Variants in MAP3K20 observed in about 807,000 individuals in gnomAD.
MAP3K20 encodes mitogen-activated protein kinase kinase kinase 20.
MAP3K20 carries 40 observed loss-of-function variants against 85.7 expected under a neutral mutation model. That is an observed-to-expected ratio of 0.47 (90% CI 0.36 to 0.61). The LOEUF (loss-of-function observed/expected upper bound fraction) is 0.61, where lower values mean the gene tolerates loss of function less well. Ranked by LOEUF, MAP3K20 falls within the 20% of genes least tolerant of loss-of-function variation. The probability of loss-of-function intolerance (pLI) is 0.00; values close to 1 mark genes in which losing one functional copy is unlikely to be tolerated. For synonymous variants in MAP3K20, 325 were observed against 327.7 expected, an observed-to-expected ratio of 0.99 and a Z score of 0.09; for missense variants, 817 against 961.7, an observed-to-expected ratio of 0.85 and a Z score of 1.99.
intron 2 of MAP3K20, among the ~76,000 whole-genome samples, chr2:173,149,131 G>A (rs552745170): frequency 4.3e-4 from 65 of 152,382 alleles, no homozygotes; most frequent in Admixed American, 1.2e-3. Flanking sequence ...AGCTTAATAT[G>A]TGACAGGCAG....
At chr2:173,194,686 T>C (rs1264581581) in intron 7 of MAP3K20, among the ~76,000 whole-genome samples, 1 of 152,086 alleles carries the variant, frequency 6.6e-6, no homozygotes, top group South Asian at 2.1e-4. Flanking sequence ...CCATTGTTCA[T>C]TGGGAGTCTG....
intron 11 of MAP3K20, chr2:173,221,902 A>C: frequency 2.0e-6 from 2 of 992,156 alleles, no homozygotes; most frequent in Non-Finnish European, 2.4e-6. Context: ...AAAAACTTAC[A>C]TTTTGAACAA....
At chr2:173,159,148 T>C (rs1018904275) in intron 2 of MAP3K20, among the ~76,000 whole-genome samples, 1 of 152,206 alleles carries the variant, frequency 6.6e-6, no homozygotes, top group Non-Finnish European at 1.5e-5. Context: ...TTTGATTAAG[T>C]TATATTGCTA....
intron 2 of MAP3K20, among the ~76,000 whole-genome samples, chr2:173,167,991 C>A (rs1251052408): frequency 6.6e-6 from 1 of 152,150 alleles, no homozygotes; most frequent in Non-Finnish European, 1.5e-5. Flanking sequence ...TATTCACAAA[C>A]AGTTGGTCCT....
intron 2 of MAP3K20, chr2:173,166,566 C>T (rs574191045): frequency 6.6e-6 from 1 of 152,158 alleles, no homozygotes; most frequent in South Asian, 2.1e-4. Flanking sequence ...CCTTATAACT[C>T]TCATATACAG....
chr2:173,208,100 TGATTA>T (rs1039338637), intron 9 of MAP3K20, among the ~76,000 whole-genome samples: 2 of 152,150 alleles, frequency 1.3e-5, no homozygotes, highest in African/African-American at 4.8e-5. Context: ...CTTATGCAAA[TGATTA>T]AAACATTTTT....
At chr2:173,088,569 G>A (rs925834101) in intron 1 of MAP3K20, among the ~76,000 whole-genome samples, 5 of 152,188 alleles carry the variant, frequency 3.3e-5, no homozygotes, top group Admixed American at 6.5e-5. Context: ...AGTGGGAATT[G>A]GGTATGGGGA....
chr2:173,265,555 G>C (rs947718003), intron 19 of MAP3K20, among the ~76,000 whole-genome samples: 10 of 152,094 alleles, frequency 6.6e-5, no homozygotes, highest in Non-Finnish European at 1.5e-4. Context: ...CTGCATTTAG[G>C]GTCCTTGAGG....
intron 2 of MAP3K20, chr2:173,160,031 T>A (rs1689601038): frequency 6.6e-6 from 1 of 152,120 alleles, no homozygotes. Context: ...AGTGGGGAAA[T>A]GACTGGTGTA....
At position 173,266,721 on chromosome 2, in the gene MAP3K20, G is replaced by A; in HGVS notation, c.2374G>A (p.Gly792Arg). 2 of 1,563,094 alleles carry A rather than the reference G, an allele frequency of 1.3e-6. No individual in the cohort carries two copies. Among genetic ancestry groups the A allele is most frequent in the East Asian group, 2.3e-5 (1 of 43,458 alleles). Residue 792 changes from glycine (G) to arginine (R), a missense_variant, in exon 20 of 20, where the codon GGG becomes AGG. Gly to Arg is a moderately radical substitution (Grantham distance 125). This residue lies in a region of MAP3K20 where 454 missense variants were observed against 476.9 expected (regional missense o/e 0.95). Coordinates refer to ENST00000375213, the MANE Select transcript of MAP3K20 (RefSeq NM_016653.3). ...PAKTNKERAR[G>R]DHRGWRNF ...CAAAACCAATAAAGAGAGAGCCAGA[G>A]GGGACCACCGTGGATGGAGAAACTT... is the stretch of plus-strand genomic sequence containing the variant.
chr2:173,222,423 A>G (rs1035109497), intron 11 of MAP3K20: 8 of 985,724 alleles, frequency 8.1e-6, no homozygotes, highest in South Asian at 4.7e-5. Context: ...AGATGTTGCA[A>G]ACTTTCATAC....
intron 2 of MAP3K20, among the ~76,000 whole-genome samples, chr2:173,115,127 G>T (rs1688081671): frequency 6.6e-6 from 1 of 152,078 alleles, no homozygotes; most frequent in Non-Finnish European, 1.5e-5. Flanking sequence ...CTTTGTCTTT[G>T]TTGGATTGGG....
At chr2:173,258,842 C>G in intron 17 of MAP3K20, 27 bp downstream of exon 17, 1 of 1,411,058 alleles carries the variant, frequency 7.1e-7, no homozygotes, top group Non-Finnish European at 1.0e-6. Flanking sequence ...GGCTTAAAAG[C>G]TCTTTTGAAT....
chr2:173,243,531 C>T (rs1379658988), intron 16 of MAP3K20, among the ~76,000 whole-genome samples: 1 of 152,208 alleles, frequency 6.6e-6, no homozygotes, highest in Non-Finnish European at 1.5e-5. Context: ...AGAAAGGGGG[C>T]TGGCGACCAG....
intron 4 of MAP3K20, among the ~76,000 whole-genome samples, chr2:173,186,893 T>C (rs1690501479): frequency 6.6e-6 from 1 of 151,988 alleles, no homozygotes; most frequent in African/African-American, 2.4e-5. Flanking sequence ...AATTTTGGAG[T>C]ATGTTGAAAT....
intron 16 of MAP3K20, 129 bp from the exon 17 acceptor site, chr2:173,258,570 A>C: frequency 1.7e-6 from 1 of 579,654 alleles, no homozygotes; most frequent in Non-Finnish European, 3.0e-6. Flanking sequence ...CCTTTTATTG[A>C]AAAAGGAAAA....
intron 10 of MAP3K20, chr2:173,214,429 T>A (rs372939346): frequency 1.3e-5 from 2 of 152,212 alleles, no homozygotes; most frequent in Non-Finnish European, 2.9e-5. Context: ...GATCTGTGTC[T>A]CTTGGCAAAA....
At chr2:173,138,983 A>G (rs967239308) in intron 2 of MAP3K20, among the ~76,000 whole-genome samples, 2 of 152,170 alleles carry the variant, frequency 1.3e-5, no homozygotes, top group Non-Finnish European at 2.9e-5. Context: ...AGTGGGTTCA[A>G]TCATACTCAC....
At chr2:173,158,837 A>T (rs562165703) in intron 2 of MAP3K20, among the ~76,000 whole-genome samples, 1 of 152,362 alleles carries the variant, frequency 6.6e-6, no homozygotes, top group East Asian at 1.9e-4. Flanking sequence ...CCTCACTGGT[A>T]AGTGGCAGAG....
Sources: gnomAD v4.1 joint callset for allele counts (sites outside exome capture counted in the v4.1 genomes callset) on GRCh38, gnomAD v4.1.1 for gene constraint, gnomAD v4.1.1 regional missense constraint, MANE v1.5 for transcripts, NCBI Gene and HGNC (gene_info 2026-07-23, HGNC 2026-07-21) for gene names.